Variants in TAFA4 observed in about 807,000 individuals in gnomAD.
TAFA4 encodes TAFA chemokine like family member 4, also known as chemokine-like protein TAFA-4.
A neutral mutation model predicts 21.1 loss-of-function variants in TAFA4; 20 were observed. The ratio of observed to expected loss-of-function variants is 0.95; its 90% confidence interval spans 0.67 to 1.38. TAFA4 has a LOEUF of 1.38. TAFA4 is among the 40% of genes most tolerant of loss of function. The probability of loss-of-function intolerance (pLI) is 0.00; values close to 1 mark genes in which losing one functional copy is unlikely to be tolerated. For missense variants in TAFA4, 211 were observed against 180.9 expected (o/e 1.17, Z -0.95); for synonymous variants, 71 against 67.4 (o/e 1.05, Z -0.26).
intron 4 of TAFA4, 146 bp downstream of exon 4, chr3:68,752,717 A>T: frequency 1.2e-6 from 1 of 844,586 alleles, no homozygotes; most frequent in Non-Finnish European, 1.9e-6. Context: ...ACATTTTTGG[A>T]GTTGTATTTA....
At chr3:68,894,555 G>A (rs536321454) in intron 1 of TAFA4, among the ~76,000 whole-genome samples, 7 of 152,316 alleles carry the variant, frequency 4.6e-5, no homozygotes, top group South Asian at 4.1e-4. Context: ...CAGACTCAGC[G>A]CTGGCATTAT....
At chr3:68,834,525 T>C (rs1423064190) in intron 3 of TAFA4, among the ~76,000 whole-genome samples, 1 of 152,182 alleles carries the variant, frequency 6.6e-6, no homozygotes, top group Admixed American at 6.5e-5. Flanking sequence ...ATCCTCCTAC[T>C]TGATCTTTAC....
intron 3 of TAFA4, among the ~76,000 whole-genome samples, chr3:68,874,482 C>T (rs181930359): frequency 5.9e-5 from 9 of 152,200 alleles, no homozygotes; most frequent in Non-Finnish European, 1.0e-4. Context: ...CCAATTTCCT[C>T]GTATAGCACT....
intron 3 of TAFA4, among the ~76,000 whole-genome samples, chr3:68,847,252 G>A (rs937461416): frequency 6.6e-6 from 1 of 152,228 alleles, no homozygotes; most frequent in Non-Finnish European, 1.5e-5. Context: ...TCTGCTTACA[G>A]TGGCTTTTCT....
At chr3:68,887,849 T>A (rs998764486) in intron 1 of TAFA4, among the ~76,000 whole-genome samples, 2 of 152,148 alleles carry the variant, frequency 1.3e-5, no homozygotes, top group Non-Finnish European at 2.9e-5. Context: ...AGGGTAATTT[T>A]CTCATTGTCT....
intron 3 of TAFA4, among the ~76,000 whole-genome samples, chr3:68,807,879 A>T (rs983698247): frequency 6.6e-6 from 1 of 152,222 alleles, no homozygotes; most frequent in East Asian, 1.9e-4. Context: ...AATTGCAAGT[A>T]TCTGGTAACA....
At chr3:68,865,817 T>G (rs2089408794) in intron 3 of TAFA4, among the ~76,000 whole-genome samples, 1 of 151,986 alleles carries the variant, frequency 6.6e-6, no homozygotes, top group Non-Finnish European at 1.5e-5. Context: ...GAGCTCAAAT[T>G]TGAGGCTGAG....
chr3:68,819,791 T>C (rs1426328042), intron 3 of TAFA4, among the ~76,000 whole-genome samples: 3 of 152,144 alleles, frequency 2.0e-5, no homozygotes, highest in African/African-American at 7.2e-5. Flanking sequence ...AGGCTAAGTG[T>C]TGGTGAGGAT....
intron 3 of TAFA4, among the ~76,000 whole-genome samples, chr3:68,867,614 A>C (rs972502136): frequency 2.0e-5 from 3 of 152,138 alleles, no homozygotes; most frequent in African/African-American, 7.2e-5. Context: ...CAAAAGTAAC[A>C]ATGACAACAG....
At chr3:68,831,286 T>C (rs779585412) in intron 3 of TAFA4, among the ~76,000 whole-genome samples, 1 of 151,074 alleles carries the variant, frequency 6.6e-6, no homozygotes, top group African/African-American at 2.4e-5. Context: ...ACAGTGTCGA[T>C]GGTCTTTACT....
At chr3:68,856,047 C>T (rs953221602) in intron 3 of TAFA4, among the ~76,000 whole-genome samples, 2 of 151,792 alleles carry the variant, frequency 1.3e-5, no homozygotes, top group Admixed American at 1.3e-4. Flanking sequence ...AGTGTGGATC[C>T]TTAATATTTG....
chr3:68,905,527 A>T (rs1225821446), intron 1 of TAFA4, among the ~76,000 whole-genome samples: 1 of 152,186 alleles, frequency 6.6e-6, no homozygotes, highest in African/African-American at 2.4e-5. Context: ...TACTGACTTT[A>T]AAATTAGATC....
intron 1 of TAFA4, among the ~76,000 whole-genome samples, chr3:68,913,986 A>G (rs182635778): frequency 7.9e-5 from 12 of 152,332 alleles, no homozygotes; most frequent in Admixed American, 5.9e-4. Context: ...TTAATTATCA[A>G]TTCTGGCAAG....
chr3:68,772,663 A>C (rs1702980102), intron 3 of TAFA4, among the ~76,000 whole-genome samples: 1 of 152,172 alleles, frequency 6.6e-6, no homozygotes, highest in South Asian at 2.1e-4. Context: ...CAGAAAGACC[A>C]AGCACAGGAT....
chr3:68,799,991 G>A (rs1008874261), intron 3 of TAFA4, among the ~76,000 whole-genome samples: 13 of 152,078 alleles, frequency 8.5e-5, no homozygotes, highest in South Asian at 6.2e-4. Context: ...CTAGGTTGCC[G>A]CTCCTTATGA....
At chr3:68,835,449 A>G (rs6781395) in intron 3 of TAFA4, among the ~76,000 whole-genome samples, 42,458 of 152,158 alleles carry the variant, frequency 0.28, 6,772 homozygotes, top group Non-Finnish European at 0.37. Context: ...GTAGAAGTAT[A>G]TGATAAAAAC....
chr3:68,821,153 A>C (rs972088596), intron 3 of TAFA4, among the ~76,000 whole-genome samples: 1 of 152,212 alleles, frequency 6.6e-6, no homozygotes, highest in African/African-American at 2.4e-5. Context: ...AGTGATGCTG[A>C]AAAACATAAC....
At chr3:68,814,845 C>T (rs923533398) in intron 3 of TAFA4, among the ~76,000 whole-genome samples, 6 of 152,066 alleles carry the variant, frequency 3.9e-5, no homozygotes, top group East Asian at 1.9e-4. Context: ...AAAAACAGCC[C>T]GCATTGCCAA....
At position 68,849,832 on chromosome 3, in the gene TAFA4, T is replaced by C. The variant is rs529179262; in HGVS notation, c.130+30898A>G. Among the ~76,000 whole-genome samples the C allele has an allele frequency of 2.0e-5, 3 of 152,334 alleles. No individual in the cohort carries two copies. The East Asian group carries it at 5.8e-4, about 29-fold the overall frequency. On this transcript the variant is annotated intron_variant, in intron 3 of 5. Coordinates refer to ENST00000295569, the MANE Select transcript of TAFA4 (RefSeq NM_182522.5). ...TCACAAAGGATCCATTACTGAAAATTCATTCAACTTCAACAGCCCTCAACA... is the reference window on the plus strand; with the variant it reads ...TCACAAAGGATCCATTACTGAAAATCCATTCAACTTCAACAGCCCTCAACA...
Sources: gnomAD v4.1 joint callset for allele counts (sites outside exome capture counted in the v4.1 genomes callset) on GRCh38, gnomAD v4.1.1 for gene constraint, MANE v1.5 for transcripts, NCBI Gene and HGNC (gene_info 2026-07-23, HGNC 2026-07-21) for gene names.